The following IPO4 variants were observed in gnomAD, a reference collection of about 807,000 sequenced individuals.
The protein encoded by IPO4 is importin-4.
IPO4 carries 91 observed loss-of-function variants against 133.5 expected under a neutral mutation model. That is an observed-to-expected ratio of 0.68 (90% CI 0.58 to 0.81). IPO4 has a LOEUF of 0.81. Among genes scored for constraint, IPO4 ranks in the 30% least tolerant of loss-of-function variants. The pLI is 0.00. For missense variants in IPO4, 1,279 were observed against 1,386.2 expected, an observed-to-expected ratio of 0.92 and a Z score of 1.23; for synonymous variants, 607 against 581.6, an observed-to-expected ratio of 1.04 and a Z score of -0.63.
chr14:24,185,256 C>G lies in IPO4; in HGVS notation c.1335G>C (p.Lys445Asn). Residue 445 changes from lysine to asparagine, a missense_variant, in exon 14 of 30, where the codon AAG (lysine) becomes AAC (asparagine). Coordinates refer to ENST00000354464, the MANE Select transcript of IPO4 (RefSeq NM_024658.4). ...GGTGTGTGTGTCCAAGAGGCACCGA[C>G]TTCAAGTAGGCGAGGAGCAGTGGCA... The part of the protein sequence containing the change: ...EVMPLLLAYL[K>N]SVPLGHTHHL... 1 of 1,614,174 alleles carries G rather than the reference C, an allele frequency of 6.2e-7. No individual in the cohort carries two copies. The highest frequency in any genetic ancestry group is 8.5e-7 in the Non-Finnish European group (1 of 1,180,038).
chr14:24,184,074 C>A lies in IPO4; in HGVS notation c.1793G>T (p.Gly598Val), dbSNP rs776727497. 1 of 1,612,862 alleles carries A rather than the reference C, an allele frequency of 6.2e-7. No homozygotes were observed. The highest frequency in any genetic ancestry group is 1.1e-5 in the South Asian group (1 of 91,022). ...TTCCAAGTGGGGCGCCAGGCCCTCA[C>A]CCATCAGACCCGATAAGGCTGCAAA... ...SLFAALSGLM[G>V]EGLAPHLEQI... The change falls in exon 18 of 30, where the codon GGT becomes GTT. Residue 598 changes from glycine to valine, a missense_variant. Gly to Val is a moderately radical substitution (Grantham distance 109, BLOSUM62 -3). Coordinates refer to ENST00000354464, the MANE Select transcript of IPO4 (RefSeq NM_024658.4).
chr14:24,185,404 A>C, intron 13 of IPO4, 55 bp downstream of exon 13: 1 of 1,610,990 alleles, frequency 6.2e-7, no homozygotes, highest in South Asian at 1.1e-5. Flanking sequence ...GAAGAGATGA[A>C]AGATGAGGGG....
rs537589833 is a variant in IPO4, at chr14:24,182,578, C to T, written c.2473-175G>A. 1.3e-3 allele frequency: 1,315 copies of T among 1,002,532 alleles called. 23 individuals are homozygous for T. Among genetic ancestry groups the T allele is most frequent in the South Asian group, 1.9e-3 (128 of 67,934 alleles). 62.1% of individuals were successfully genotyped at this position (1,002,532 alleles called of 1,614,324 possible). A position where few individuals can be genotyped will look rare whatever the true frequency, so the allele number is the denominator to read the frequency against. On this transcript the variant is annotated intron_variant, in intron 24 of 29. Coordinates refer to ENST00000354464, the MANE Select transcript of IPO4 (RefSeq NM_024658.4). ...AGCTTCTTCCCCTGGCTCTTCTGCT[C>T]CTACCTATCACTCCAAGCACACCCC...
In IPO4 at chr14:24,181,813, A is replaced by G; in HGVS notation, c.2838T>C (p.Phe946=). The G allele has an allele frequency of 6.3e-7, 1 of 1,593,700 alleles. No homozygotes were observed. The highest frequency in any genetic ancestry group is 8.6e-7 in the Non-Finnish European group (1 of 1,168,190). Residue 946 remains phenylalanine (F), a synonymous_variant, in exon 27 of 30, where the codon TTT becomes TTC. Transcript: ENST00000354464. Reference sequence around the variant, plus strand: ...CATGTCGCTCCCGCGCCAGGAGGGGAAAAAGGAGCCCCAGCAGCTTGGGGA... The same window carrying G: ...CATGTCGCTCCCGCGCCAGGAGGGGGAAAAGGAGCCCCAGCAGCTTGGGGA... ...EHFPKLLGLL[F]PLLARERHDR...
intron 9 of IPO4, 78 bp from the exon 10 acceptor site, chr14:24,186,529 G>T: frequency 6.7e-7 from 1 of 1,488,368 alleles, no homozygotes; most frequent in Admixed American, 2.1e-5. Flanking sequence ...CAGTCTTCCA[G>T]GCCATAAGGG....
Position 24,183,262 on chromosome 14 carries a change from G to T in IPO4, c.2215C>A (p.Pro739Thr). 2 of 1,613,766 alleles carry T rather than the reference G, an allele frequency of 1.2e-6. No homozygotes were observed. Among genetic ancestry groups the T allele is most frequent in the Non-Finnish European group, 1.7e-6 (2 of 1,179,872 alleles). ...HKACQSCPSE[P>T]NTAALQAALA... ...AGCCTCTCCTCACCAGCAGTGTTGG[G>T]TTCCGAGGGGCAGCTTTGACAGGCC... is the stretch of plus-strand genomic sequence containing the variant. The change falls in exon 22 of 30, where the codon CCC becomes ACC. Residue 739 changes from proline (P) to threonine (T), a missense_variant. Around this residue, in one of 3 missense-constraint regions of IPO4, gnomAD observed 575 missense variants for 653.4 expected, o/e 0.88. Coordinates refer to ENST00000354464, the MANE Select transcript of IPO4 (RefSeq NM_024658.4).
rs201396319 is a variant in IPO4, at chr14:24,183,400, G to A, written c.2122-45C>T. 1.3e-5 allele frequency: 21 copies of A among 1,593,906 alleles called. No individual in the cohort carries two copies. The East Asian group carries it at 4.1e-4, about 31-fold the overall frequency. On this transcript the variant is annotated intron_variant, in intron 21 of 29. Transcript: ENST00000354464. ...GGGATATGTCTGCTATGTGCACCGTGAACACAGGGCCCCCAGCCTGAGAAC... is the reference window on the plus strand; with the variant it reads ...GGGATATGTCTGCTATGTGCACCGTAAACACAGGGCCCCCAGCCTGAGAAC...
Position 24,182,846 on chromosome 14 carries a change from C to A in IPO4, c.2422-4G>T, listed in dbSNP as rs748179718. On this transcript the variant is annotated splice_region_variant and splice_polypyrimidine_tract_variant and intron_variant, in intron 23 of 29. Transcript: ENST00000354464. The stretch of plus-strand genomic sequence containing the variant: ...CGTCAGTATCCTGACAGGCTGTCTA[C>A]AAGAAGTAGCTCAACTTAGCGGAGC... 35 of 1,614,054 alleles carry A rather than the reference C, an allele frequency of 2.2e-5. No individual in the cohort carries two copies. In the African/African-American group the frequency reaches 3.3e-4, roughly 15 times the overall value.
Position 24,188,801 on chromosome 14 carries a change from C to G in IPO4, c.-14G>C, listed in dbSNP as rs754623404. 34 of 1,492,076 alleles carry G rather than the reference C, an allele frequency of 2.3e-5. No homozygotes were observed. In the Middle Eastern group the frequency reaches 7.0e-4, roughly 31 times the overall value. The allele number at this position is 1,492,076 out of a possible 1,614,324, so 92.4% of individuals were successfully genotyped here. On this transcript the variant is annotated 5_prime_UTR_variant, in exon 1 of 30. Coordinates refer to ENST00000354464, the MANE Select transcript of IPO4 (RefSeq NM_024658.4). ...GGCTGACTCCATGGCAGCAACTGAG[C>G]CGCCGCTACTGGGCCGAAAAGGGGA... is the stretch of plus-strand genomic sequence containing the variant.
Position 24,186,411 on chromosome 14 carries a change from GT to G in IPO4, c.880del (p.Thr294ProfsTer31). On this transcript the variant is annotated frameshift_variant, in exon 10 of 30. Transcript: ENST00000354464. LOFTEE classifies it high-confidence loss of function. ...CTCAGCAGCCACAATGGGGAAAAGG[GT>G]GTGCAGCAAGGGTGGCAGGAGACGA... Reference protein sequence around the residue: ...KNRLLPPLLHTLFPIVAAEPP... With the variant: ...KNRLLPPLLHXLFPIVAAEPP... The G allele has an allele frequency of 6.2e-7, 1 of 1,609,128 alleles. No homozygotes were observed. Among genetic ancestry groups the G allele is most frequent in the Non-Finnish European group, 8.5e-7 (1 of 1,177,004 alleles).
rs1471012912 is a variant in IPO4, at chr14:24,181,822, C to T, written c.2829G>A (p.Gly943=). 3 of 1,596,314 alleles carry T rather than the reference C, an allele frequency of 1.9e-6. No individual in the cohort carries two copies. The highest frequency in any genetic ancestry group is 2.6e-6 in the Non-Finnish European group (3 of 1,169,468). The change falls in exon 27 of 30, where the codon GGG becomes GGA. Residue 943 remains glycine (G), a synonymous_variant. Coordinates refer to ENST00000354464, the MANE Select transcript of IPO4 (RefSeq NM_024658.4). The stretch of plus-strand genomic sequence containing the variant: ...CCCGCGCCAGGAGGGGAAAAAGGAG[C>T]CCCAGCAGCTTGGGGAAGTGTCTGG... ...PAQEHFPKLL[G]LLFPLLARER... is the part of the protein sequence containing the mutation.
Position 24,186,347 on chromosome 14 carries a change from T to C in IPO4, c.945A>G (p.Ser315=). The stretch of plus-strand genomic sequence containing the variant: ...GCTCAATCTCCAACTCTTCCTCTTC[T>C]GAATCCTGGTCCTCGGGATCCAACT... ...PGQLDPEDQD[S]EEEELEIELM... The change falls in exon 10 of 30, where the codon TCA becomes TCG. Residue 315 remains serine, a synonymous_variant. Coordinates refer to ENST00000354464, the MANE Select transcript of IPO4 (RefSeq NM_024658.4). The C allele has an allele frequency of 6.2e-7, 1 of 1,613,136 alleles. No homozygotes were observed. The highest frequency in any genetic ancestry group is 8.5e-7 in the Non-Finnish European group (1 of 1,179,504).
intron 24 of IPO4, 119 bp downstream of exon 24, chr14:24,182,672 AT>A: frequency 8.5e-7 from 1 of 1,172,988 alleles, no homozygotes; most frequent in Non-Finnish European, 1.3e-6. Context: ...CCCTCTGGCC[AT>A]TACCAGTCTC....
intron 14 of IPO4, 58 bp downstream of exon 14, chr14:24,185,125 A>G: frequency 1.2e-6 from 2 of 1,608,812 alleles, no homozygotes; most frequent in East Asian, 2.2e-5. Context: ...CATCCTGTAC[A>G]TTCAGCCAAA....
Position 24,180,553 on chromosome 14 carries a change from C to G in IPO4, c.3135G>C (p.Leu1045Phe). 6.2e-7 allele frequency: 1 copy of G among 1,614,078 alleles called. No individual in the cohort carries two copies. The highest frequency in any genetic ancestry group is 8.5e-7 in the Non-Finnish European group (1 of 1,179,958). Residue 1045 changes from leucine to phenylalanine, a missense_variant, in exon 30 of 30, where the codon TTG becomes TTC. Leu to Phe is a conservative substitution (Grantham distance 22, BLOSUM62 0). Around this residue, in one of 3 missense-constraint regions of IPO4, gnomAD observed 575 missense variants for 653.4 expected, o/e 0.88. Transcript: ENST00000354464. ...KIPPDTKAALLLLLTFLAKQH... is the reference protein window; with the variant it reads ...KIPPDTKAALFLLLTFLAKQH... ...GTTTGGCCAGGAACGTCAGGAGCAG[C>G]AACAGTGCGGCCTTGGTGTCTGGGT...
Position 24,181,764 on chromosome 14 carries a change from C to A in IPO4, c.2887G>T (p.Gly963Trp), listed in dbSNP as rs772413854. 1.2e-6 allele frequency: 2 copies of A among 1,603,328 alleles called. No individual in the cohort carries two copies. Among genetic ancestry groups the A allele is most frequent in the South Asian group, 2.2e-5 (2 of 89,718 alleles). Residue 963 changes from glycine (G) to tryptophan (W), a missense_variant, in exon 27 of 30, where the codon GGG (glycine) becomes TGG (tryptophan). Transcript: ENST00000354464. ...RHDRVRDNIC[G>W]ALARLLMASP... ...GCCATCAACAGGCGGGCAAGTGCCC[C>A]ACAGATGTTGTCACGGACACGATCA...
At chr14:24,186,018 C>T in intron 11 of IPO4, 48 bp from the exon 12 acceptor site, 1 of 1,592,248 alleles carries the variant, frequency 6.3e-7, no homozygotes, top group Non-Finnish European at 8.6e-7. Context: ...AGAGCCTGCC[C>T]ATTCCTGTGG....
chr14:24,182,878 G>A (rs761248654), intron 23 of IPO4, 36 bp from the exon 24 acceptor site: 31 of 1,595,898 alleles, frequency 1.9e-5, no homozygotes, highest in Admixed American at 5.2e-5. Flanking sequence ...GAGCTTTCAC[G>A]CCCCTTCTCT....
Position 24,188,457 on chromosome 14 carries a change from G to A in IPO4, c.157-34C>T, listed in dbSNP as rs369106234. 1,630 of 1,608,948 alleles carry A rather than the reference G, an allele frequency of 1.0e-3. 3 individuals are homozygous for A. The highest frequency in any genetic ancestry group is 1.3e-3 in the Non-Finnish European group (1,560 of 1,179,074). On this transcript the variant is annotated intron_variant, in intron 2 of 29. Coordinates refer to ENST00000354464, the MANE Select transcript of IPO4 (RefSeq NM_024658.4). ...AGGAAGCAAGCACGTGGGGGTCCGGGCAGGAAGGTGCTGAGCGGACCGCAG... is the reference window on the plus strand; with the variant it reads ...AGGAAGCAAGCACGTGGGGGTCCGGACAGGAAGGTGCTGAGCGGACCGCAG...
Sources: gnomAD v4.1 joint callset for allele counts on GRCh38, gnomAD v4.1.1 for gene constraint, gnomAD v4.1.1 regional missense constraint, MANE v1.5 for transcripts, NCBI Gene and HGNC (gene_info 2026-07-23, HGNC 2026-07-21) for gene names.